Variants in ITPR1 observed in about 807,000 individuals in gnomAD.
The protein encoded by ITPR1 is inositol 1,4,5-trisphosphate receptor type 1.
A neutral mutation model predicts 318.4 loss-of-function variants in ITPR1; 96 were observed. That is an observed-to-expected ratio of 0.30 (90% CI 0.26 to 0.36). ITPR1 has a LOEUF of 0.36. Among genes scored for constraint, ITPR1 ranks in the 10% least tolerant of loss-of-function variants. The pLI, the probability that ITPR1 is intolerant of heterozygous loss-of-function variation, is 1.00. For missense variants in ITPR1, 2,440 were observed against 3,460.2 expected (o/e 0.71, Z 7.40); for synonymous variants, 1,312 against 1,289.9 (o/e 1.02, Z -0.37).
In ITPR1 at chr3:4,670,918, C is replaced by A; in HGVS notation, c.2196C>A (p.Ser732Arg). 6.3e-7 allele frequency: 1 copy of A among 1,581,096 alleles called. No homozygotes were observed. Among genetic ancestry groups the A allele is most frequent in the East Asian group, 2.3e-5 (1 of 44,330 alleles). Residue 732 changes from serine (S) to arginine (R), a missense_variant, in exon 20 of 62, where the codon AGC (serine) becomes AGA (arginine). Ser to Arg is a moderately radical substitution (Grantham distance 110). Around this residue, in one of 23 missense-constraint regions of ITPR1, gnomAD observed 478 missense variants for 696.3 expected, o/e 0.69. Coordinates refer to ENST00000649015, the MANE Select transcript of ITPR1 (RefSeq NM_001378452.1). ...EGQKEDRDVL[S>R]YYRYQLNLFA... ...AGAAGGAGGACCGAGACGTTCTCAG[C>A]TACTACAGGTGCGTGGGACACGTGT...
At chr3:4,775,187 G>T in intron 46 of ITPR1, 55 bp from the exon 47 acceptor site, 1 of 1,263,148 alleles carries the variant, frequency 7.9e-7, no homozygotes, top group East Asian at 2.3e-5. Flanking sequence ...GATGAATAAC[G>T]TTTCCCTCTT....
chr3:4,783,768 T>C, intron 50 of ITPR1, 48 bp from the exon 51 acceptor site: 2 of 1,362,934 alleles, frequency 1.5e-6, no homozygotes, highest in Non-Finnish European at 1.0e-6. Flanking sequence ...TCTGTGTTCC[T>C]GTTGTGAAGA....
intron 40 of ITPR1, among the ~76,000 whole-genome samples, chr3:4,725,218 T>C (rs1298343227): frequency 2.6e-5 from 4 of 151,246 alleles, no homozygotes; most frequent in African/African-American, 9.7e-5. Flanking sequence ...GAGACAAGGA[T>C]GTGCTGTGGT....
intron 4 of ITPR1, among the ~76,000 whole-genome samples, chr3:4,535,658 G>T (rs2083807919): frequency 6.6e-6 from 1 of 151,784 alleles, no homozygotes; most frequent in African/African-American, 2.4e-5. Flanking sequence ...TGTTAGCCAG[G>T]ATGGTCTCAA....
intron 45 of ITPR1, 126 bp downstream of exon 45, chr3:4,766,836 C>A: frequency 2.8e-6 from 2 of 707,208 alleles, no homozygotes; most frequent in South Asian, 2.7e-5. Flanking sequence ...GAAGAAATGC[C>A]AGCCTGGTTA....
Position 4,674,278 on chromosome 3 carries a change from T to C in ITPR1, c.2533T>C (p.Leu845=). Residue 845 remains leucine (L), a synonymous_variant, in exon 22 of 62, where the codon TTA becomes CTA. Transcript: ENST00000649015. ...AQTMEFVEEY[L]RDVVCQRFPF... ...GACCATGGAGTTTGTGGAGGAGTATTTAAGAGATGTGGTTTGTCAGAGGTT... is the reference window on the plus strand; with the variant it reads ...GACCATGGAGTTTGTGGAGGAGTATCTAAGAGATGTGGTTTGTCAGAGGTT... 1 of 1,595,290 alleles carries C rather than the reference T, an allele frequency of 6.3e-7. No homozygotes were observed. The highest frequency in any genetic ancestry group is 8.6e-7 in the Non-Finnish European group (1 of 1,169,490).
At chr3:4,598,693 G>A (rs2091040701) in intron 4 of ITPR1, among the ~76,000 whole-genome samples, 1 of 152,142 alleles carries the variant, frequency 6.6e-6, no homozygotes, top group Admixed American at 6.5e-5. Flanking sequence ...AAGTGGCTGA[G>A]TTATATATTA....
intron 5 of ITPR1, among the ~76,000 whole-genome samples, chr3:4,630,291 C>A (rs755818774): frequency 6.6e-6 from 1 of 151,926 alleles, no homozygotes; most frequent in Admixed American, 6.6e-5. Context: ...TTATCTGTGA[C>A]GTGGTTTTCT....
In ITPR1 at chr3:4,683,383, T is replaced by C; in HGVS notation, c.3162-3T>C. 6.2e-7 allele frequency: 1 copy of C among 1,613,998 alleles called. No homozygotes were observed. ...GGCCTTTCCCCACCTTGTGCTCCTT[T>C]AGTGAGGAGAACACCCCACTGGACT... On this transcript the variant is annotated splice_polypyrimidine_tract_variant and splice_region_variant and intron_variant, in intron 26 of 61. Transcript: ENST00000649015.
intron 2 of ITPR1, among the ~76,000 whole-genome samples, chr3:4,509,754 A>G (rs1180153742): frequency 6.6e-6 from 1 of 152,180 alleles, no homozygotes; most frequent in Non-Finnish European, 1.5e-5. Context: ...CTATGATTGC[A>G]CCACTACCTT....
intron 24 of ITPR1, among the ~76,000 whole-genome samples, chr3:4,678,115 T>A (rs1021397166): frequency 2.6e-5 from 4 of 152,150 alleles, no homozygotes; most frequent in Non-Finnish European, 4.4e-5. Flanking sequence ...GGGGGTTTTA[T>A]TTTTTAGTCT....
chr3:4,617,964 A>G (rs1371877728), intron 4 of ITPR1, among the ~76,000 whole-genome samples: 3 of 151,344 alleles, frequency 2.0e-5, no homozygotes, highest in African/African-American at 7.3e-5. Flanking sequence ...CAGCCTGGGC[A>G]ACAAAGTGAG....
At chr3:4,582,911 A>G (rs946802702) in intron 4 of ITPR1, among the ~76,000 whole-genome samples, 1 of 152,176 alleles carries the variant, frequency 6.6e-6, no homozygotes, top group African/African-American at 2.4e-5. Context: ...GGCTGGTGGC[A>G]CGTTGTCTGA....
chr3:4,730,036 T>A (rs573157948), intron 42 of ITPR1, among the ~76,000 whole-genome samples: 1 of 152,112 alleles, frequency 6.6e-6, no homozygotes, highest in South Asian at 2.1e-4. Context: ...AGCTTTTCTC[T>A]GCAGATTTTA....
chr3:4,584,428 C>T (rs1359678769), intron 4 of ITPR1, among the ~76,000 whole-genome samples: 1 of 152,062 alleles, frequency 6.6e-6, no homozygotes, highest in Non-Finnish European at 1.5e-5. Flanking sequence ...TTACAGGCCC[C>T]CCAGTCCTCA....
In ITPR1 at chr3:4,729,680, G is replaced by A. The variant is rs150865770; in HGVS notation, c.5220+2507G>A. On this transcript the variant is annotated intron_variant, in intron 42 of 61. Transcript: ENST00000649015. ...ATATTGGTAGAGTGACCAGGTAGGA[G>A]CTTGGTTTAATTACTCCACATCACT... Among the ~76,000 whole-genome samples the A allele has an allele frequency of 2.4e-3, 359 of 152,290 alleles. 4 individuals carry two copies. The highest frequency in any genetic ancestry group is 8.2e-3 in the African/African-American group (340 of 41,558).
intron 33 of ITPR1, among the ~76,000 whole-genome samples, chr3:4,695,583 A>G (rs2094544685): frequency 6.6e-6 from 1 of 152,142 alleles, no homozygotes; most frequent in African/African-American, 2.4e-5. Flanking sequence ...CCTGAGGGTA[A>G]CCACAAGCTG....
chr3:4,804,514 A>G (rs1007252466), intron 54 of ITPR1, among the ~76,000 whole-genome samples: 1 of 152,212 alleles, frequency 6.6e-6, no homozygotes, highest in African/African-American at 2.4e-5. Flanking sequence ...AATAGCAGCT[A>G]TTTCCTGGGG....
intron 2 of ITPR1, among the ~76,000 whole-genome samples, chr3:4,503,690 C>CCA (rs2081198442): frequency 2.6e-5 from 4 of 152,086 alleles, no homozygotes; most frequent in Non-Finnish European, 5.9e-5. Context: ...CCCTGCCCCA[C>CCA]CACACACACA....
Sources: allele counts gnomAD v4.1 joint callset (sites outside exome capture counted in the v4.1 genomes callset), GRCh38; gene constraint gnomAD v4.1.1; regional missense constraint gnomAD v4.1.1; transcripts MANE v1.5; gene names NCBI Gene and HGNC (gene_info 2026-07-23, HGNC 2026-07-21).